The following LCK variants were observed in gnomAD, a reference collection of about 807,000 sequenced individuals.
LCK encodes LCK proto-oncogene, Src family tyrosine kinase, also known as tyrosine-protein kinase Lck.
LCK carries 14 observed loss-of-function variants against 64.6 expected under a neutral mutation model. The ratio of observed to expected loss-of-function variants is 0.22; its 90% CI spans 0.14 to 0.34. The LOEUF is 0.34. Among genes scored for constraint, LCK ranks in the 10% least tolerant of loss-of-function variants. LCK has a pLI of 1.00. For synonymous variants in LCK, 277 were observed against 263.6 expected (o/e 1.05, Z -0.49); for missense variants, 434 against 668.1 (o/e 0.65, Z 3.86).
intron 1 of LCK, among the ~76,000 whole-genome samples, chr1:32,265,746 C>T (rs1228338782): frequency 6.6e-6 from 1 of 152,140 alleles, no homozygotes; most frequent in South Asian, 2.1e-4. Flanking sequence ...CCATGATCTC[C>T]AACCTAGATT....
rs1193982946 is a variant in LCK, at chr1:32,262,978, G to A, written c.-5-11347G>A. On this transcript the variant is annotated intron_variant, in intron 1 of 12. Transcript: ENST00000336890. Reference sequence around the variant, plus strand: ...CAGGACATTCTTTTCTCCCAATTTAGGAATCCAAGGTCACGAGTAAGAATT... The same window carrying A: ...CAGGACATTCTTTTCTCCCAATTTAAGAATCCAAGGTCACGAGTAAGAATT... Among the ~76,000 whole-genome samples, 5 of 151,904 alleles carry A rather than the reference G, an allele frequency of 3.3e-5. No individual in the cohort carries two copies. In the South Asian group the frequency reaches 8.4e-4, roughly 25 times the overall value.
At chr1:32,263,423 AAATAAATAAATAAATAAAT>A (rs897636108) in intron 1 of LCK, among the ~76,000 whole-genome samples, 2 of 140,456 alleles carry the variant, frequency 1.4e-5, no homozygotes, top group African/African-American at 2.9e-5. Context: ...ATAAATAAAT[AAATAAATAAATAAATAAAT>A]AAATAAAAAT....
intron 12 of LCK, among the ~76,000 whole-genome samples, chr1:32,284,796 C>G (rs1640566223): frequency 6.6e-6 from 1 of 152,196 alleles, no homozygotes; most frequent in Admixed American, 6.6e-5. Flanking sequence ...GGTTCCACAA[C>G]TAACATGTGT....
chr1:32,277,396 T>C (rs1040175574), intron 9 of LCK, among the ~76,000 whole-genome samples: 1 of 152,078 alleles, frequency 6.6e-6, no homozygotes, highest in Non-Finnish European at 1.5e-5. Context: ...CTCAGGATGC[T>C]TGATCTCAGA....
rs1640406168 is a variant in LCK, at chr1:32,280,085, A to G, written c.1202A>G (p.Lys401Arg). ...DNEYTAREGA[K>R]FPIKWTAPEA... Reference sequence around the variant, plus strand: ...CACTCTGCCTCCTCCTTAGGGGCCAAGTTTCCCATTAAGTGGACAGCGCCA... The same window carrying G: ...CACTCTGCCTCCTCCTTAGGGGCCAGGTTTCCCATTAAGTGGACAGCGCCA... The change falls in exon 12 of 13, where the codon AAG (lysine) becomes AGG (arginine). Residue 401 changes from lysine (K) to arginine (R), a missense_variant. Transcript: ENST00000336890. 6.2e-7 allele frequency: 1 copy of G among 1,614,086 alleles called. No homozygotes were observed. Among genetic ancestry groups the G allele is most frequent in the Non-Finnish European group, 8.5e-7 (1 of 1,180,008 alleles).
Position 32,251,894 on chromosome 1 carries a change from AAGAGAGAGAGAGAG to A in LCK, c.-6+553_-6+566del, listed in dbSNP as rs4012161. On this transcript the variant is annotated intron_variant, in intron 1 of 12. Coordinates refer to ENST00000336890, the MANE Select transcript of LCK (RefSeq NM_005356.5). The surrounding 1 kb of genome is among the most constrained non-coding windows in gnomAD (Gnocchi z 4.0). ...CCCCAGTGACAAGAATCTCCTGAGA[AAGAGAGAGAGAGAG>A]AGAGAGAGAGAGAGAGAGAGAGAGA... Among the ~76,000 whole-genome samples, 469 of 132,344 alleles carry A rather than the reference AAGAGAGAGAGAGAG, an allele frequency of 3.5e-3. 3 individuals are homozygous for A. The highest frequency in any genetic ancestry group is 0.012 in the African/African-American group (415 of 35,246). The allele number at this position is 132,344 out of a possible 152,430, so 86.8% of individuals were successfully genotyped here.
At chr1:32,259,736 G>A (rs1223181668) in intron 1 of LCK, among the ~76,000 whole-genome samples, 6 of 152,040 alleles carry the variant, frequency 3.9e-5, no homozygotes. Flanking sequence ...CTTGAGCCCG[G>A]GAGGTCGAGG....
intron 1 of LCK, among the ~76,000 whole-genome samples, chr1:32,271,027 C>T (rs1640067026): frequency 7.9e-6 from 1 of 126,898 alleles, no homozygotes; most frequent in Non-Finnish European, 1.6e-5. Context: ...TTGAGACAGG[C>T]TCTCGCTCTG....
At chr1:32,257,087 T>C (rs894874974) in intron 1 of LCK, among the ~76,000 whole-genome samples, 5 of 152,190 alleles carry the variant, frequency 3.3e-5, no homozygotes, top group Non-Finnish European at 7.3e-5. Context: ...CATTTTATTA[T>C]ATGAGATCAT....
intron 1 of LCK, among the ~76,000 whole-genome samples, chr1:32,271,983 A>T (rs1348780563): frequency 6.6e-6 from 1 of 152,104 alleles, no homozygotes; most frequent in African/African-American, 2.4e-5. Context: ...AGCAAAGAGC[A>T]TTGGGAAGTC....
chr1:32,261,385 A>G (rs1305993675), intron 1 of LCK, among the ~76,000 whole-genome samples: 3 of 151,458 alleles, frequency 2.0e-5, no homozygotes, highest in African/African-American at 2.4e-5. Flanking sequence ...TGGTGGCTCA[A>G]GCCTGTAATC....
rs1640216126 is a variant in LCK, at chr1:32,275,105, T to C, written c.278+22T>C. ...AGCAGTGAGTCCCTCTCCACCTTGCTCTGGCGGAGTCCGTGAGGGAGCGGC... is the reference window on the plus strand; with the variant it reads ...AGCAGTGAGTCCCTCTCCACCTTGCCCTGGCGGAGTCCGTGAGGGAGCGGC... On this transcript the variant is annotated intron_variant, in intron 4 of 12. Coordinates refer to ENST00000336890, the MANE Select transcript of LCK (RefSeq NM_005356.5). This position sits in a 1 kb window ranked among gnomAD's most constrained non-coding sequence, Gnocchi z 6.9. The C allele has an allele frequency of 1.1e-5, 18 of 1,589,046 alleles. No individual in the cohort carries two copies. The highest frequency in any genetic ancestry group is 1.6e-5 in the Non-Finnish European group (18 of 1,160,852).
intron 1 of LCK, among the ~76,000 whole-genome samples, chr1:32,270,540 G>T (rs1405711031): frequency 6.9e-6 from 1 of 145,252 alleles, no homozygotes; most frequent in South Asian, 2.2e-4. Context: ...GATTACAGGC[G>T]TGTGCCACCA....
chr1:32,271,943 G>T (rs1426093746), intron 1 of LCK, among the ~76,000 whole-genome samples: 4 of 152,164 alleles, frequency 2.6e-5, no homozygotes, highest in African/African-American at 9.7e-5. Flanking sequence ...GGTCTGAATA[G>T]AATGTTGCAG....
intron 3 of LCK, 36 bp downstream of exon 3, chr1:32,274,854 T>C: frequency 6.2e-7 from 1 of 1,613,896 alleles, no homozygotes; most frequent in Non-Finnish European, 8.5e-7. Flanking sequence ...AGACAAGGCC[T>C]GCGGATCCCT....
chr1:32,269,176 C>T (rs1640011129), intron 1 of LCK, among the ~76,000 whole-genome samples: 1 of 150,990 alleles, frequency 6.6e-6, no homozygotes, highest in Non-Finnish European at 1.5e-5. Context: ...GTGGTTCACG[C>T]CTGTAATCCC....
chr1:32,277,900 G>A (rs1179996078), intron 9 of LCK, among the ~76,000 whole-genome samples: 3 of 152,180 alleles, frequency 2.0e-5, no homozygotes, highest in African/African-American at 7.2e-5. Flanking sequence ...CTACTTCCAG[G>A]TGCTGTGGCT....
At position 32,275,464 on chromosome 1, in the gene LCK, G is replaced by A. The variant is rs1356518750; in HGVS notation, c.377+45G>A. The A allele has an allele frequency of 1.9e-6, 3 of 1,600,534 alleles. No individual in the cohort carries two copies. In the Admixed American group the frequency reaches 5.1e-5, roughly 27 times the overall value. ...GGGGGTGGGTAGGAGCAGATCTAGG[G>A]ATCCTGGAGCAGGGAGTAGGCCTGG... On this transcript the variant is annotated intron_variant, in intron 5 of 12. Transcript: ENST00000336890. The surrounding 1 kb of genome is among the most constrained non-coding windows in gnomAD (Gnocchi z 6.9).
chr1:32,255,963 C>T (rs1287370160), intron 1 of LCK, among the ~76,000 whole-genome samples: 1 of 151,810 alleles, frequency 6.6e-6, no homozygotes, highest in African/African-American at 2.4e-5. Flanking sequence ...CCACCATGCC[C>T]AGCTAATTAT....
Sources: gnomAD v4.1 joint callset for allele counts (sites outside exome capture counted in the v4.1 genomes callset) on GRCh38, gnomAD v4.1.1 for gene constraint, Gnocchi (gnomAD v3.1) non-coding constraint, MANE v1.5 for transcripts, NCBI Gene and HGNC (gene_info 2026-07-23, HGNC 2026-07-21) for gene names.